The following GIPC1 variants were observed in gnomAD, a reference collection of about 807,000 sequenced individuals.
The protein encoded by GIPC1 is GIPC PDZ domain containing family member 1.
In GIPC1, 15 loss-of-function variants were observed where a neutral mutation model predicts 28.5. The observed-to-expected ratio is 0.53, with a 90% CI of 0.35 to 0.81. The LOEUF (loss-of-function observed/expected upper bound fraction) is 0.81. GIPC1 is among the 30% of genes least tolerant of loss of function. GIPC1 has a pLI of 0.01. For synonymous variants in GIPC1, 224 were observed against 206.1 expected (o/e 1.09, Z -0.74); for missense variants, 439 against 481.9 (o/e 0.91, Z 0.83).
At chr19:14,495,088 C>T (rs1225934135) in intron 1 of GIPC1, among the ~76,000 whole-genome samples, 1 of 151,610 alleles carries the variant, frequency 6.6e-6, no homozygotes, top group Non-Finnish European at 1.5e-5. Context: ...TGGGTGTTTC[C>T]GGGGAGAACG....
At position 14,480,495 on chromosome 19, in the gene GIPC1, C is replaced by T. The variant is rs750765700; in HGVS notation, c.475-10G>A. On this transcript the variant is annotated splice_polypyrimidine_tract_variant and intron_variant, in intron 5 of 8. Transcript: ENST00000393033. ...TGCCCTCCTTGATGCGCTGCGGGGGCGGGGAGTCATCAGCCCTTGGGGCTC... is the reference window on the plus strand; with the variant it reads ...TGCCCTCCTTGATGCGCTGCGGGGGTGGGGAGTCATCAGCCCTTGGGGCTC... 3 of 1,607,574 alleles carry T rather than the reference C, an allele frequency of 1.9e-6. No individual in the cohort carries two copies. The highest frequency in any genetic ancestry group is 2.6e-6 in the Non-Finnish European group (3 of 1,175,626).
rs753944201 is a variant in GIPC1, at chr19:14,482,890, C to A, written c.87G>T (p.Val29=). 3.4e-5 allele frequency: 54 copies of A among 1,592,684 alleles called. 1 individual carries two copies. The highest frequency in any genetic ancestry group is 1.8e-4 in the South Asian group (16 of 88,914). The change falls in exon 4 of 9, where the codon GTG becomes GTT. Residue 29 remains valine (V), a synonymous_variant. Transcript: ENST00000393033. ...EAEPGRGGLG[V]GEPGPLGGGG... ...CTCCGCCCAGAGGCCCTGGCTCCCC[C>A]ACGCCCAGCCCTCCACGGCCTGGCT... is the stretch of plus-strand genomic sequence containing the variant.
At chr19:14,489,671 T>C (rs1343728591) in intron 3 of GIPC1, 2 of 808,296 alleles carry the variant, frequency 2.5e-6, no homozygotes, top group Non-Finnish European at 4.4e-6. Context: ...GGGCCTGTTT[T>C]ACTATGATGT....
Position 14,482,690 on chromosome 19 carries a change from T to C in GIPC1, c.287A>G (p.Glu96Gly). Reference sequence around the variant, plus strand: ...GGTGCCCGGCTCCCCAGTGGATACCTCGGCAGTTGGCAGGCGGAAGGCCTC... The same window carrying C: ...GGTGCCCGGCTCCCCAGTGGATACCCCGGCAGTTGGCAGGCGGAAGGCCTC... ...IAEAFRLPTAEVMFCTLNTHK... is the reference protein window; with the variant it reads ...IAEAFRLPTAGVMFCTLNTHK... Residue 96 changes from glutamate (E) to glycine (G), a missense_variant and splice_region_variant, in exon 4 of 9, where the codon GAG (glutamate) becomes GGG (glycine). Glu to Gly is a moderately conservative substitution (Grantham distance 98, BLOSUM62 -2). Transcript: ENST00000393033. The C allele has an allele frequency of 6.2e-7, 1 of 1,611,256 alleles. No homozygotes were observed.
chr19:14,492,518 G>C (rs2146494541), intron 2 of GIPC1, among the ~76,000 whole-genome samples: 1 of 152,230 alleles, frequency 6.6e-6, no homozygotes, highest in Middle Eastern at 3.4e-3. Flanking sequence ...ATGTTAGCCA[G>C]GATGGTCTCG....
intron 3 of GIPC1, among the ~76,000 whole-genome samples, chr19:14,487,219 CTTTTTTTT>C (rs1241685706): frequency 2.0e-5 from 3 of 149,834 alleles, no homozygotes; most frequent in South Asian, 4.2e-4. Context: ...TTCTTTTTTT[CTTTTTTTT>C]CTTTCTTTCT....
At chr19:14,485,793 C>A (rs999821820) in intron 3 of GIPC1, among the ~76,000 whole-genome samples, 5 of 140,574 alleles carry the variant, frequency 3.6e-5, no homozygotes, top group Non-Finnish European at 6.2e-5. Context: ...TTTTTTGAGA[C>A]AGAGTCTCAC....
Position 14,480,753 on chromosome 19 carries a change from T to G in GIPC1, c.314A>C (p.His105Pro), listed in dbSNP as rs1298174618. The G allele has an allele frequency of 6.2e-7, 1 of 1,613,822 alleles. No individual in the cohort carries two copies. Among genetic ancestry groups the G allele is most frequent in the South Asian group, 1.1e-5 (1 of 91,078 alleles). ...CAGGAGCTTGTCCATGTCCACTTTG[T>G]GGGTGTTCAGGGTGCAGAACATCAC... The part of the protein sequence containing the change: ...AEVMFCTLNT[H>P]KVDMDKLLGG... Residue 105 changes from histidine to proline, a missense_variant, in exon 5 of 9, where the codon CAC becomes CCC. His to Pro is a moderately conservative substitution (Grantham distance 77). Transcript: ENST00000393033.
intron 3 of GIPC1, among the ~76,000 whole-genome samples, chr19:14,484,059 G>A (rs1000463965): frequency 6.6e-5 from 10 of 151,308 alleles, no homozygotes; most frequent in Admixed American, 1.3e-4. Flanking sequence ...GGATTGCAAC[G>A]GTGTGATCTT....
At position 14,485,348 on chromosome 19, in the gene GIPC1, A is replaced by ATT. The variant is rs34346515; in HGVS notation, c.-30-2344_-30-2343dup. Among the ~76,000 whole-genome samples, 1,111 of 148,060 alleles carry ATT rather than the reference A, an allele frequency of 7.5e-3. 16 individuals carry two copies. Among genetic ancestry groups the ATT allele is most frequent in the African/African-American group, 0.026 (1,056 of 40,344 alleles). The stretch of plus-strand genomic sequence containing the variant: ...CAGGCATGTACCATCACACCCGACT[A>ATT]TTTTTTTTTTAAATTTTATTGTAGG... On this transcript the variant is annotated intron_variant, in intron 3 of 8. Transcript: ENST00000393033.
At chr19:14,488,952 G>T (rs962234377) in intron 3 of GIPC1, among the ~76,000 whole-genome samples, 3 of 151,080 alleles carry the variant, frequency 2.0e-5, no homozygotes, top group Non-Finnish European at 4.4e-5. Flanking sequence ...TTTTAATGGG[G>T]TCTCACTCTG....
At chr19:14,485,556 C>A (rs1186292523) in intron 3 of GIPC1, among the ~76,000 whole-genome samples, 1 of 151,210 alleles carries the variant, frequency 6.6e-6, no homozygotes, top group East Asian at 2.0e-4. Context: ...TAGGCTGAGG[C>A]AGGAGAATTG....
chr19:14,481,267 C>T (rs1350415800), intron 4 of GIPC1, among the ~76,000 whole-genome samples: 3 of 152,120 alleles, frequency 2.0e-5, no homozygotes, highest in African/African-American at 7.2e-5. Flanking sequence ...CCACCACACC[C>T]ACATAGTTAA....
rs891863528 is a variant in GIPC1, at chr19:14,482,543, C to T, written c.288+146G>A. The T allele has an allele frequency of 1.9e-4, 147 of 782,260 alleles. 1 individual carries two copies. The highest frequency in any genetic ancestry group is 2.9e-4 in the Non-Finnish European group (135 of 473,590). The allele number at this position is 782,260 out of a possible 1,614,324, so 48.5% of individuals were successfully genotyped here. A position where few individuals can be genotyped will look rare whatever the true frequency, so the allele number is the denominator to read the frequency against. On this transcript the variant is annotated intron_variant, in intron 4 of 8. Transcript: ENST00000393033. Reference sequence around the variant, plus strand: ...TGCCTCATGGGGACTCAGCATCCAGCCCAGGCCATTGGCCCCCACCACTGA... The same window carrying T: ...TGCCTCATGGGGACTCAGCATCCAGTCCAGGCCATTGGCCCCCACCACTGA...
intron 3 of GIPC1, among the ~76,000 whole-genome samples, chr19:14,490,475 C>T (rs950119253): frequency 7.4e-5 from 11 of 148,872 alleles, no homozygotes; most frequent in African/African-American, 1.0e-4. Flanking sequence ...GTCGAGAGTT[C>T]GAGACTGGCC....
intron 3 of GIPC1, chr19:14,489,324 C>T: frequency 1.3e-6 from 1 of 770,426 alleles, no homozygotes; most frequent in Non-Finnish European, 2.4e-6. Context: ...GGGCCTACCG[C>T]GGTAGCGTGA....
At chr19:14,484,695 T>G (rs1349945151) in intron 3 of GIPC1, among the ~76,000 whole-genome samples, 1 of 151,976 alleles carries the variant, frequency 6.6e-6, no homozygotes, top group South Asian at 2.1e-4. Context: ...TGCAGTGAGC[T>G]GAGACCGTGC....
At chr19:14,490,985 AAAAAG>A (rs1456920477) in intron 3 of GIPC1, among the ~76,000 whole-genome samples, 2 of 150,302 alleles carry the variant, frequency 1.3e-5, no homozygotes, top group South Asian at 2.1e-4. Context: ...AAAAAAAAAA[AAAAAG>A]AAAGAAAGAA....
At chr19:14,485,737 A>AGAGG (rs1268028123) in intron 3 of GIPC1, among the ~76,000 whole-genome samples, 2 of 144,608 alleles carry the variant, frequency 1.4e-5, no homozygotes, top group Non-Finnish European at 3.0e-5. Flanking sequence ...AGAGAGAGAG[A>AGAGG]GAGACAGAGA....
Sources: gnomAD v4.1 joint callset for allele counts (sites outside exome capture counted in the v4.1 genomes callset) on GRCh38, gnomAD v4.1.1 for gene constraint, MANE v1.5 for transcripts, NCBI Gene and HGNC (gene_info 2026-07-23, HGNC 2026-07-21) for gene names.